Variants in ZNF723 observed in about 807,000 individuals in gnomAD.
ZNF723 encodes the protein zinc finger protein 723.
Under a neutral mutation model 9.4 loss-of-function variants are expected in ZNF723, and 5 were observed. That is an observed-to-expected ratio of 0.53 (90% confidence interval 0.28 to 1.12). ZNF723 has a LOEUF of 1.12. ZNF723 is among the 50% of genes most tolerant of loss of function. The pLI, the probability that ZNF723 is intolerant of heterozygous loss-of-function variation, is 0.10. For synonymous variants in ZNF723, 158 were observed against 168.8 expected (o/e 0.94, Z 0.49); for missense variants, 450 against 501.5 (o/e 0.90, Z 0.98).
intron 1 of ZNF723, among the ~76,000 whole-genome samples, chr19:22,834,493 CCTT>C (rs1176351972): frequency 1.3e-5 from 2 of 151,132 alleles, no homozygotes; most frequent in Non-Finnish European, 2.9e-5. Flanking sequence ...GTGTTTTTCT[CCTT>C]CTGGATTTTA....
chr19:22,829,343 C>T (rs184790236), upstream of ZNF723, among the ~76,000 whole-genome samples: 6 of 149,794 alleles, frequency 4.0e-5, no homozygotes, highest in East Asian at 2.0e-4. Flanking sequence ...TGGAGTGCAG[C>T]GGCGAGATTT....
intron 1 of ZNF723, among the ~76,000 whole-genome samples, chr19:22,839,334 T>G (rs1967209110): frequency 6.6e-6 from 1 of 152,176 alleles, no homozygotes; most frequent in South Asian, 2.1e-4. Context: ...CTGGGTCAAA[T>G]GCTAATTCTG....
chr19:22,845,123 AC>A (rs1323215810), intron 1 of ZNF723, among the ~76,000 whole-genome samples: 2 of 152,172 alleles, frequency 1.3e-5, no homozygotes, highest in African/African-American at 4.8e-5. Context: ...TGTCTCAAAA[AC>A]AAAACAAAAA....
the ZNF723 span, among the ~76,000 whole-genome samples, chr19:22,821,370 A>G: frequency 6.6e-6 from 1 of 152,066 alleles, no homozygotes; most frequent in South Asian, 2.1e-4. Context: ...GTCCTCAGGG[A>G]GAATTGTGAC....
At chr19:22,832,474 G>A in intron 1 of ZNF723, 92 bp downstream of exon 1, 1 of 1,234,836 alleles carries the variant, frequency 8.1e-7, no homozygotes. Flanking sequence ...CCTCCCTGCT[G>A]TCAGCCCCAC....
chr19:22,831,768 C>T (rs2145202196), upstream of ZNF723, among the ~76,000 whole-genome samples: 1 of 150,834 alleles, frequency 6.6e-6, no homozygotes, highest in South Asian at 2.1e-4. Flanking sequence ...ATTAGCCGGG[C>T]ATGGTGGCAG....
the ZNF723 span, among the ~76,000 whole-genome samples, chr19:22,827,084 A>G: frequency 6.6e-6 from 1 of 152,250 alleles, no homozygotes; most frequent in African/African-American, 2.4e-5. Context: ...TAAATGAAGC[A>G]ATGGTTAGGA....
At position 22,835,069 on chromosome 19, in the gene ZNF723, G is replaced by GTTTTTTTTTT. The variant is rs57260930; in HGVS notation, c.3+2691_3+2700dup. ...GTGTGATTTTTTTTGTTTGTTGGTT[G>GTTTTTTTTTT]TTTTTTTTTTTTTGAGATGGAGTTT... On this transcript the variant is annotated intron_variant, in intron 1 of 3. Coordinates refer to ENST00000600766, the MANE Select transcript of ZNF723 (RefSeq NM_001349726.2). Among the ~76,000 whole-genome samples, 5 of 139,696 alleles carry GTTTTTTTTTT rather than the reference G, an allele frequency of 3.6e-5. 1 individual carries two copies. Among genetic ancestry groups the GTTTTTTTTTT allele is most frequent in the Non-Finnish European group, 4.6e-5 (3 of 64,932 alleles). The allele number at this position is 139,696 out of a possible 152,430, so 91.6% of individuals were successfully genotyped here.
chr19:22,831,283 G>T (rs1456555475), upstream of ZNF723, among the ~76,000 whole-genome samples: 1 of 152,182 alleles, frequency 6.6e-6, no homozygotes, highest in African/African-American at 2.4e-5. Context: ...ATGGCCGGGT[G>T]CAGTGACTCA....
chr19:22,837,104 C>T (rs1452956644), intron 1 of ZNF723, among the ~76,000 whole-genome samples: 4 of 151,832 alleles, frequency 2.6e-5, no homozygotes, highest in African/African-American at 9.7e-5. Flanking sequence ...ACGAGCCTGG[C>T]CAACATGGTG....
rs1214348571 is a variant in ZNF723, at chr19:22,845,889, C to CTTTTTTTTT, written c.4-2362_4-2354dup. Among the ~76,000 whole-genome samples, 567 of 124,350 alleles carry CTTTTTTTTT rather than the reference C, an allele frequency of 4.6e-3. 16 individuals carry two copies. The highest frequency in any genetic ancestry group is 0.016 in the African/African-American group (524 of 32,450). The allele number at this position is 124,350 out of a possible 152,430, so 81.6% of individuals were successfully genotyped here. On this transcript the variant is annotated intron_variant, in intron 1 of 3. Transcript: ENST00000600766. ...AGGAGGAGATAGGGAAAAAATATGC[C>CTTTTTTTTT]TTTTTTTTTTTTTTTTTTAGCTAAA...
intron 1 of ZNF723, among the ~76,000 whole-genome samples, chr19:22,834,787 A>G (rs1195826609): frequency 1.3e-5 from 2 of 152,180 alleles, no homozygotes; most frequent in African/African-American, 2.4e-5. Context: ...TGAGAGCAAA[A>G]CAGAAATAAT....
chr19:22,832,222 T>G, upstream of ZNF723: 2 of 813,724 alleles, frequency 2.5e-6, no homozygotes, highest in Non-Finnish European at 1.8e-6. Context: ...TCAGGGATGC[T>G]TGACTAAGAG....
chr19:22,836,654 C>T (rs542412957), intron 1 of ZNF723, among the ~76,000 whole-genome samples: 2 of 152,120 alleles, frequency 1.3e-5, no homozygotes, highest in African/African-American at 4.8e-5. Context: ...AGTTCAGGAG[C>T]TGTGGGAAGA....
At chr19:22,845,356 C>T (rs1381514305) in intron 1 of ZNF723, among the ~76,000 whole-genome samples, 1 of 152,168 alleles carries the variant, frequency 6.6e-6, no homozygotes, top group Non-Finnish European at 1.5e-5. Context: ...GGCCAATTCA[C>T]AGAAATATCT....
At chr19:22,828,334 G>A (rs1460861159), upstream of ZNF723, among the ~76,000 whole-genome samples, 4 of 152,104 alleles carry the variant, frequency 2.6e-5, no homozygotes, top group Admixed American at 1.3e-4. Context: ...ACCTACGTAA[G>A]AACTTCACCA....
intron 2 of ZNF723, 46 bp downstream of exon 2, chr19:22,848,433 C>T: frequency 8.0e-7 from 1 of 1,252,972 alleles, no homozygotes. Context: ...GTAAATGTTT[C>T]TTTTTTTGGT....
intron 1 of ZNF723, among the ~76,000 whole-genome samples, chr19:22,838,047 G>A (rs1449620489): frequency 6.6e-6 from 1 of 152,066 alleles, no homozygotes; most frequent in East Asian, 1.9e-4. Context: ...TTTTGTTTTA[G>A]GGGTACACGT....
upstream of ZNF723, among the ~76,000 whole-genome samples, chr19:22,828,269 C>T (rs967863879): frequency 3.9e-5 from 6 of 152,016 alleles, no homozygotes; most frequent in African/African-American, 1.4e-4. Context: ...GACAAAAACC[C>T]GAAATAATGG....
Sources: gnomAD v4.1 joint callset for allele counts (sites outside exome capture counted in the v4.1 genomes callset) on GRCh38, gnomAD v4.1.1 for gene constraint, MANE v1.5 for transcripts, NCBI Gene and HGNC (gene_info 2026-07-23, HGNC 2026-07-21) for gene names.